The following PDZD2 variants were observed in gnomAD, a reference collection of about 807,000 sequenced individuals.
The protein encoded by PDZD2 is PDZ domain containing 2.
PDZD2 carries 90 observed loss-of-function variants against 220.7 expected under a neutral mutation model. The ratio of observed to expected loss-of-function variants is 0.41; its 90% CI spans 0.34 to 0.49. The LOEUF (loss-of-function observed/expected upper bound fraction) is 0.49, where lower values mean the gene tolerates loss of function less well. Among genes scored for constraint, PDZD2 ranks in the 20% least tolerant of loss-of-function variants. PDZD2 has a pLI of 0.28. For missense variants in PDZD2, 3,174 were observed against 3,608.5 expected (o/e 0.88, Z 3.08); for synonymous variants, 1,375 against 1,450.5 (o/e 0.95, Z 1.18).
Position 32,087,817 on chromosome 5 carries a change from C to T in PDZD2, c.4369C>T (p.Gln1457Ter). The T allele has an allele frequency of 6.2e-7, 1 of 1,612,674 alleles. No individual in the cohort carries two copies. The highest frequency in any genetic ancestry group is 8.5e-7 in the Non-Finnish European group (1 of 1,179,620). Reference protein sequence around the residue: ...GDSGSQEGSAQGHPPAGAGGG... With the variant: ...GDSGSQEGSA ...CAGTGGCTCTCAGGAGGGCAGTGCT[C>T]AGGGCCACCCACCAGCCGGGGCTGG... The change falls in exon 20 of 25, where the codon CAG becomes TAG. Residue 1457 changes from glutamine (Q) to a stop codon, truncating the protein, a stop_gained. Transcript: ENST00000438447. LOFTEE classifies it high-confidence loss of function. The surrounding 1 kb of genome is among the most constrained non-coding windows in gnomAD (Gnocchi z 4.0).
intron 1 of PDZD2, among the ~76,000 whole-genome samples, chr5:31,718,111 G>A (rs1361704271): frequency 1.3e-5 from 2 of 152,202 alleles, no homozygotes; most frequent in Non-Finnish European, 2.9e-5. Context: ...TTTTGGTGCT[G>A]TAAAAGAGCA....
intron 20 of PDZD2, among the ~76,000 whole-genome samples, chr5:32,092,193 G>C (rs1233709509): frequency 6.6e-6 from 1 of 150,630 alleles, no homozygotes. Context: ...AGAATCGCTT[G>C]AACCCAGGAG....
At chr5:32,034,882 G>C (rs1273578729) in intron 6 of PDZD2, among the ~76,000 whole-genome samples, 1 of 152,278 alleles carries the variant, frequency 6.6e-6, no homozygotes, top group African/African-American at 2.4e-5. Context: ...ATTTGGGGTT[G>C]GGAAAGACAT....
At chr5:31,653,124 T>G (rs1580519985) in intron 1 of PDZD2, among the ~76,000 whole-genome samples, 2 of 152,118 alleles carry the variant, frequency 1.3e-5, no homozygotes, top group Admixed American at 1.3e-4. Flanking sequence ...CTGATAGATA[T>G]GTATATCTAG....
intron 1 of PDZD2, among the ~76,000 whole-genome samples, chr5:31,676,746 G>C (rs895262913): frequency 2.6e-5 from 4 of 151,788 alleles, no homozygotes; most frequent in Non-Finnish European, 5.9e-5. Flanking sequence ...GTAGAGACAG[G>C]GTTCACCATG....
intron 6 of PDZD2, among the ~76,000 whole-genome samples, chr5:32,017,671 TA>T (rs1186454809): frequency 3.3e-5 from 5 of 152,170 alleles, no homozygotes; most frequent in Non-Finnish European, 7.3e-5. Context: ...CATTAACAGA[TA>T]AGTAGATTTC....
chr5:31,966,280 G>A (rs554688915), intron 2 of PDZD2, among the ~76,000 whole-genome samples: 1 of 152,176 alleles, frequency 6.6e-6, no homozygotes, highest in East Asian at 1.9e-4. Flanking sequence ...CAGACTATAG[G>A]TACTGTAGTT....
intron 2 of PDZD2, among the ~76,000 whole-genome samples, chr5:31,849,005 T>C (rs145206567): frequency 0.042 from 6,448 of 152,088 alleles, 452 homozygotes; most frequent in African/African-American, 0.15. Flanking sequence ...GCCGAGATCT[T>C]GCCACTGCAC....
intron 14 of PDZD2, 45 bp downstream of exon 14, chr5:32,061,179 T>G: frequency 1.3e-6 from 2 of 1,594,698 alleles, no homozygotes; most frequent in Non-Finnish European, 1.7e-6. Context: ...ATGATACACC[T>G]TCCTAGGATA....
At chr5:31,958,940 A>T (rs929839464) in intron 2 of PDZD2, among the ~76,000 whole-genome samples, 5 of 151,120 alleles carry the variant, frequency 3.3e-5, no homozygotes, top group African/African-American at 1.2e-4. Flanking sequence ...CACTCGATTG[A>T]TTGATTGATT....
chr5:31,901,572 C>T (rs931061242), intron 2 of PDZD2, among the ~76,000 whole-genome samples: 2 of 152,088 alleles, frequency 1.3e-5, no homozygotes, highest in Admixed American at 1.3e-4. Context: ...CACACACTTA[C>T]ATCTGTCCTC....
At chr5:31,883,023 CAAAA>C (rs781370177) in intron 2 of PDZD2, among the ~76,000 whole-genome samples, 27 of 47,960 alleles carry the variant, frequency 5.6e-4, no homozygotes, top group African/African-American at 2.0e-3. Flanking sequence ...GACTCTGTCT[CAAAA>C]AAAAAAAAAA....
intron 2 of PDZD2, among the ~76,000 whole-genome samples, chr5:31,865,494 T>C (rs564329621): frequency 2.2e-4 from 33 of 151,664 alleles, no homozygotes; most frequent in Admixed American, 1.4e-3. Context: ...TATTTTTTTG[T>C]AGAGATGGGG....
intron 2 of PDZD2, among the ~76,000 whole-genome samples, chr5:31,840,298 TG>T (rs1008796699): frequency 6.6e-6 from 1 of 150,616 alleles, no homozygotes; most frequent in Admixed American, 6.6e-5. Flanking sequence ...TTTCTTTGAC[TG>T]GGGGGGAAGA....
chr5:31,903,057 G>A (rs1742243867), intron 2 of PDZD2, among the ~76,000 whole-genome samples: 1 of 152,046 alleles, frequency 6.6e-6, no homozygotes, highest in African/African-American at 2.4e-5. Flanking sequence ...CATTTTGGGA[G>A]GCGGAGGTGG....
At chr5:31,877,304 C>G (rs1284358272) in intron 2 of PDZD2, among the ~76,000 whole-genome samples, 1 of 152,086 alleles carries the variant, frequency 6.6e-6, no homozygotes, top group South Asian at 2.1e-4. Flanking sequence ...CAACCTTGGT[C>G]TCTCGGGCTC....
chr5:31,641,086 T>C (rs1388435065), intron 1 of PDZD2, among the ~76,000 whole-genome samples: 1 of 152,210 alleles, frequency 6.6e-6, no homozygotes, highest in Non-Finnish European at 1.5e-5. Flanking sequence ...TCAATCATTT[T>C]ATTTTTGGAA....
chr5:31,723,391 C>T (rs1489638860), intron 1 of PDZD2, among the ~76,000 whole-genome samples: 1 of 151,344 alleles, frequency 6.6e-6, no homozygotes, highest in African/African-American at 2.4e-5. Context: ...CACTTTTGTC[C>T]CCAAAACAAT....
chr5:31,926,645 T>G (rs1744804930), intron 2 of PDZD2, among the ~76,000 whole-genome samples: 1 of 152,156 alleles, frequency 6.6e-6, no homozygotes, highest in Non-Finnish European at 1.5e-5. Context: ...TTGACCACTG[T>G]GGAAAGCTGT....
Sources: gnomAD v4.1 joint callset for allele counts (sites outside exome capture counted in the v4.1 genomes callset) on GRCh38, gnomAD v4.1.1 for gene constraint, Gnocchi (gnomAD v3.1) non-coding constraint, MANE v1.5 for transcripts, NCBI Gene and HGNC (gene_info 2026-07-23, HGNC 2026-07-21) for gene names.